The following ATP1B3 variants were observed in gnomAD, a reference collection of about 807,000 sequenced individuals.
The protein encoded by ATP1B3 is ATPase Na+/K+ transporting subunit beta 3.
A neutral mutation model predicts 30.2 loss-of-function variants in ATP1B3; 10 were observed. The observed-to-expected ratio is 0.33, with a 90% CI of 0.20 to 0.56. The LOEUF (loss-of-function observed/expected upper bound fraction) is 0.56, where lower values mean the gene tolerates loss of function less well. Ranked by LOEUF, ATP1B3 falls within the 20% of genes least tolerant of loss-of-function variation. The probability of loss-of-function intolerance (pLI) is 0.90; values close to 1 mark genes in which losing one functional copy is unlikely to be tolerated. For synonymous variants in ATP1B3, 113 were observed against 117.0 expected, an observed-to-expected ratio of 0.97 and a Z score of 0.22; for missense variants, 238 against 336.7, an observed-to-expected ratio of 0.71 and a Z score of 2.29.
intron 1 of ATP1B3, among the ~76,000 whole-genome samples, chr3:141,878,432 T>C (rs967534977): frequency 1.3e-5 from 2 of 152,244 alleles, no homozygotes; most frequent in Non-Finnish European, 2.9e-5. Flanking sequence ...AACTTTTTGC[T>C]GAAGAAATTT....
At chr3:141,919,050 A>G (rs1453237339) in intron 5 of ATP1B3, 2 of 152,238 alleles carry the variant, frequency 1.3e-5, no homozygotes, top group African/African-American at 4.8e-5. Flanking sequence ...GAACCCATAA[A>G]TTTTAGAAGT....
chr3:141,913,532 T>C (rs1383158595), intron 3 of ATP1B3, 120 bp from the exon 4 acceptor site: 4 of 814,154 alleles, frequency 4.9e-6, no homozygotes, highest in Non-Finnish European at 7.5e-6. Context: ...CCTAAAGTTA[T>C]CTGGTAATTT....
In ATP1B3 at chr3:141,915,936, G is replaced by A. The variant is rs535010007; in HGVS notation, c.532-34G>A. The A allele has an allele frequency of 3.8e-6, 6 of 1,561,402 alleles. No homozygotes were observed. The South Asian group carries it at 6.0e-5, about 16-fold the overall frequency. Reference sequence around the variant, plus strand: ...AGGAAGTTCCATTGCATACTTACGTGAAGTTTAAATTTATCACTATTTCTT... The same window carrying A: ...AGGAAGTTCCATTGCATACTTACGTAAAGTTTAAATTTATCACTATTTCTT... On this transcript the variant is annotated intron_variant, in intron 4 of 6. Coordinates refer to ENST00000286371, the MANE Select transcript of ATP1B3 (RefSeq NM_001679.4).
intron 1 of ATP1B3, among the ~76,000 whole-genome samples, chr3:141,890,499 C>T (rs1933930093): frequency 6.6e-6 from 1 of 151,324 alleles, no homozygotes; most frequent in Non-Finnish European, 1.5e-5. Context: ...GATGGGGTTT[C>T]ACCATGTTGG....
intron 1 of ATP1B3, among the ~76,000 whole-genome samples, chr3:141,890,341 C>T (rs1336196841): frequency 9.2e-6 from 1 of 109,050 alleles, no homozygotes; most frequent in Non-Finnish European, 1.7e-5. Flanking sequence ...CTTGCTGTGT[C>T]ACCCAGGATG....
At chr3:141,904,498 C>T (rs868619506) in intron 2 of ATP1B3, among the ~76,000 whole-genome samples, 20 of 151,684 alleles carry the variant, frequency 1.3e-4, no homozygotes, top group Admixed American at 9.9e-4. Flanking sequence ...CATACTTTGT[C>T]GTTCTAAATG....
chr3:141,896,648 A>C (rs1430156698), intron 1 of ATP1B3, among the ~76,000 whole-genome samples: 1 of 152,060 alleles, frequency 6.6e-6, no homozygotes, highest in African/African-American at 2.4e-5. Flanking sequence ...TTTCATTTTC[A>C]TAACTGTCTG....
chr3:141,917,190 C>A (rs1231233642), intron 5 of ATP1B3, among the ~76,000 whole-genome samples: 1 of 152,062 alleles, frequency 6.6e-6, no homozygotes, highest in East Asian at 1.9e-4. Flanking sequence ...CCAGGTGATG[C>A]TGATGCTGCT....
At chr3:141,881,830 G>A (rs554278138) in intron 1 of ATP1B3, among the ~76,000 whole-genome samples, 2 of 152,228 alleles carry the variant, frequency 1.3e-5, no homozygotes, top group East Asian at 1.9e-4. Flanking sequence ...GGCTATAAAC[G>A]CAGGCCAATG....
At chr3:141,911,628 A>G (rs371476469) in intron 3 of ATP1B3, among the ~76,000 whole-genome samples, 22 of 151,796 alleles carry the variant, frequency 1.4e-4, no homozygotes, top group African/African-American at 5.3e-4. Context: ...CCAAGCAGCT[A>G]GGATTACAGG....
At chr3:141,916,172 T>C (rs1423128232) in intron 5 of ATP1B3, 152 bp downstream of exon 5, 16 of 654,498 alleles carry the variant, frequency 2.4e-5, no homozygotes, top group Non-Finnish European at 3.9e-5. Flanking sequence ...CCGTAGTCTT[T>C]CTCTTCCTTA....
intron 2 of ATP1B3, among the ~76,000 whole-genome samples, chr3:141,906,962 A>G (rs938927736): frequency 5.3e-5 from 8 of 152,214 alleles, no homozygotes; most frequent in Admixed American, 3.9e-4. Context: ...CTAATCGGTA[A>G]TGTCTGAGAT....
At chr3:141,905,108 A>G (rs569816079) in intron 2 of ATP1B3, among the ~76,000 whole-genome samples, 31 of 152,176 alleles carry the variant, frequency 2.0e-4, no homozygotes, top group Non-Finnish European at 2.6e-4. Flanking sequence ...TAATGTGCAG[A>G]ACTTCAGTGT....
intron 3 of ATP1B3, among the ~76,000 whole-genome samples, chr3:141,910,883 A>AT (rs1166944311): frequency 5.9e-5 from 9 of 151,874 alleles, no homozygotes; most frequent in Admixed American, 2.0e-4. Context: ...TGAAATGTAA[A>AT]TTTGAACCCT....
chr3:141,885,885 AC>A (rs1559864928), intron 1 of ATP1B3, among the ~76,000 whole-genome samples: 1 of 113,370 alleles, frequency 8.8e-6, no homozygotes, highest in East Asian at 2.7e-4. Context: ...GTTAAAACAC[AC>A]ACACACACAC....
At chr3:141,892,651 CAAAAAA>C (rs386398103) in intron 1 of ATP1B3, among the ~76,000 whole-genome samples, 2 of 70,014 alleles carry the variant, frequency 2.9e-5, no homozygotes, top group South Asian at 6.9e-4. Flanking sequence ...GAGACTGTCT[CAAAAAA>C]AAAAAAAAAA....
chr3:141,883,759 T>C (rs1933779450), intron 1 of ATP1B3, among the ~76,000 whole-genome samples: 2 of 152,232 alleles, frequency 1.3e-5, no homozygotes, highest in Admixed American at 6.5e-5. Context: ...TTTTAATGGC[T>C]TCACAGTGTT....
intron 1 of ATP1B3, among the ~76,000 whole-genome samples, chr3:141,902,529 T>C (rs1393826988): frequency 6.6e-6 from 1 of 152,244 alleles, no homozygotes; most frequent in Non-Finnish European, 1.5e-5. Flanking sequence ...TATTCTAATA[T>C]ACTTGTTGGC....
intron 5 of ATP1B3, among the ~76,000 whole-genome samples, chr3:141,920,595 C>T (rs998081680): frequency 1.3e-4 from 20 of 151,954 alleles, no homozygotes; most frequent in African/African-American, 4.8e-4. Context: ...AAAAAAAATC[C>T]TTTTTTTCAT....
Sources: gnomAD v4.1 joint callset for allele counts (sites outside exome capture counted in the v4.1 genomes callset) on GRCh38, gnomAD v4.1.1 for gene constraint, MANE v1.5 for transcripts, NCBI Gene and HGNC (gene_info 2026-07-23, HGNC 2026-07-21) for gene names.